CSPG4: variants seen among roughly 807,000 people sequenced by gnomAD.
CSPG4 encodes chondroitin sulfate proteoglycan 4.
A neutral mutation model predicts 139.3 loss-of-function variants in CSPG4; 74 were observed. The ratio of observed to expected loss-of-function variants is 0.53; its 90% CI spans 0.44 to 0.64. The LOEUF is 0.64. Ranked by LOEUF, CSPG4 falls within the 30% of genes least tolerant of loss-of-function variation. The pLI is 0.00. For missense variants in CSPG4, 2,565 were observed against 3,148.3 expected (o/e 0.81, Z 4.43); for synonymous variants, 1,234 against 1,394.2 (o/e 0.89, Z 2.56).
chr15:75,691,932 G>A (rs1308576922), intron 2 of CSPG4, among the ~76,000 whole-genome samples: 1 of 152,186 alleles, frequency 6.6e-6, no homozygotes, highest in Non-Finnish European at 1.5e-5. Flanking sequence ...GCAGCAGACT[G>A]ACCAAGCCCT....
intron 9 of CSPG4, 134 bp from the exon 10 acceptor site, chr15:75,677,518 G>T: frequency 8.2e-7 from 1 of 1,219,872 alleles, no homozygotes; most frequent in Non-Finnish European, 1.1e-6. Flanking sequence ...TGGGGCTCAG[G>T]GTTCCCAGGA....
chr15:75,677,313 T>TG lies in CSPG4; in HGVS notation c.5205dup (p.Ser1736GlnfsTer11), dbSNP rs1893908566. On this transcript the variant is annotated frameshift_variant, in exon 10 of 10. Coordinates refer to ENST00000308508, the MANE Select transcript of CSPG4 (RefSeq NM_001897.5). LOFTEE classifies it low-confidence loss of function (END_TRUNC). ...TCTGAGCGCTGGGGTGATGGAACGCTGGCCAAGAGATTGGAGGCATCCAGA... is the reference window on the plus strand; with the variant it reads ...TCTGAGCGCTGGGGTGATGGAACGCTGGGCCAAGAGATTGGAGGCATCCAGA... 1 of 1,427,584 alleles carries TG rather than the reference T, an allele frequency of 7.0e-7. No individual in the cohort carries two copies. The highest frequency in any genetic ancestry group is 9.2e-7 in the Non-Finnish European group (1 of 1,086,226). The allele number at this position is 1,427,584 out of a possible 1,614,324, so 88.4% of individuals were successfully genotyped here. A position where few individuals can be genotyped will look rare whatever the true frequency, so the allele number is the denominator to read the frequency against.
intron 3 of CSPG4, among the ~76,000 whole-genome samples, chr15:75,686,395 C>T (rs1894057909): frequency 2.6e-5 from 4 of 152,222 alleles, no homozygotes; most frequent in African/African-American, 7.2e-5. Flanking sequence ...CCCCGCCCCA[C>T]CCCTCCTGGA....
Position 75,682,874 on chromosome 15 carries a change from C to T in CSPG4, c.4617G>A (p.Leu1539=). The T allele has an allele frequency of 6.2e-7, 1 of 1,610,356 alleles. No individual in the cohort carries two copies. Among genetic ancestry groups the T allele is most frequent in the African/African-American group, 1.3e-5 (1 of 74,982 alleles). The change falls in exon 6 of 10, where the codon CTG becomes CTA. Residue 1539 remains leucine, a synonymous_variant. Coordinates refer to ENST00000308508, the MANE Select transcript of CSPG4 (RefSeq NM_001897.5). ...TEVRSFTQAQ[L]DGGLVLFSHR... Reference sequence around the variant, plus strand: ...GTGAGAACAGCACGAGCCCGCCGTCCAGCTGGGCCTGCGTGAAGCTGCGCA... The same window carrying T: ...GTGAGAACAGCACGAGCCCGCCGTCTAGCTGGGCCTGCGTGAAGCTGCGCA...
chr15:75,710,379 C>T (rs1371569429), intron 1 of CSPG4, among the ~76,000 whole-genome samples: 1 of 152,218 alleles, frequency 6.6e-6, no homozygotes, highest in Non-Finnish European at 1.5e-5. Flanking sequence ...GCCTCCCATA[C>T]AGCTCAGAAG....
chr15:75,688,693 G>A lies in CSPG4; in HGVS notation c.2372C>T (p.Pro791Leu), dbSNP rs1401007121. The change falls in exon 3 of 10, where the codon CCA (proline) becomes CTA (leucine). Residue 791 changes from proline (P) to leucine (L), a missense_variant. By Grantham distance (98) the Pro-to-Leu change is moderately conservative. This residue lies in a region of CSPG4 where 2,316 missense variants were observed against 2,818.2 expected (regional missense o/e 0.82). Transcript: ENST00000308508. ...RATVWMLRLE[P>L]LHTQNTQQET... The stretch of plus-strand genomic sequence containing the variant: ...CTGCTGGGTGTTCTGAGTGTGCAGT[G>A]GCTCCAGCCGCAGCATCCACACAGT... 4 of 1,610,884 alleles carry A rather than the reference G, an allele frequency of 2.5e-6. No homozygotes were observed. In the African/African-American group the frequency reaches 4.0e-5, roughly 16 times the overall value.
At chr15:75,677,528 A>G in intron 9 of CSPG4, 144 bp from the exon 10 acceptor site, 1 of 1,205,352 alleles carries the variant, frequency 8.3e-7, no homozygotes, top group Middle Eastern at 2.8e-4. Flanking sequence ...GGTTCCCAGG[A>G]GGATAAGGAC....
Position 75,687,940 on chromosome 15 carries a change from A to C in CSPG4, c.3125T>G (p.Val1042Gly). The change falls in exon 3 of 10, where the codon GTG becomes GGG. Residue 1042 changes from valine (V) to glycine (G), a missense_variant. By Grantham distance (109) the Val-to-Gly change is moderately radical (BLOSUM62 -3). Coordinates refer to ENST00000308508, the MANE Select transcript of CSPG4 (RefSeq NM_001897.5). The surrounding 1 kb of genome is among the most constrained non-coding windows in gnomAD (Gnocchi z 5.4). ...GCCCGAGTCAGCATCGCTGAAGGCC[A>C]CGTCGTCTGTAGTCAGCAGCCGCCG... ...GGRRLLTTDD[V>G]AFSDADSGFA... is the part of the protein sequence containing the mutation. 1 of 1,612,924 alleles carries C rather than the reference A, an allele frequency of 6.2e-7. No individual in the cohort carries two copies. The highest frequency in any genetic ancestry group is 8.5e-7 in the Non-Finnish European group (1 of 1,180,030).
chr15:75,712,604 T>C, intron 1 of CSPG4, 64 bp downstream of exon 1: 1 of 1,468,964 alleles, frequency 6.8e-7, no homozygotes, highest in South Asian at 1.2e-5. Context: ...CTGTCCCTTT[T>C]CCCTCCCGGA....
chr15:75,694,782 C>CG lies in CSPG4; in HGVS notation c.89-1550dup, dbSNP rs1393946690. Among the ~76,000 whole-genome samples the CG allele has an allele frequency of 3.3e-5, 5 of 152,366 alleles. No individual in the cohort carries two copies. In the East Asian group the frequency reaches 7.7e-4, roughly 24 times the overall value. On this transcript the variant is annotated intron_variant, in intron 1 of 9. Coordinates refer to ENST00000308508, the MANE Select transcript of CSPG4 (RefSeq NM_001897.5). ...AAGGGAGCCCTGCAGACCATCTGCG[C>CG]GGGGGCGGCCCAGCTGGTTCAGCAG...
intron 8 of CSPG4, 150 bp downstream of exon 8, chr15:75,682,143 C>T: frequency 9.7e-7 from 1 of 1,027,940 alleles, no homozygotes; most frequent in Non-Finnish European, 1.4e-6. Context: ...TCCTGGAGGA[C>T]AGGACACTAG....
intron 4 of CSPG4, 140 bp from the exon 5 acceptor site, chr15:75,685,052 G>T: frequency 1.6e-6 from 2 of 1,257,356 alleles, no homozygotes; most frequent in Non-Finnish European, 2.2e-6. Context: ...TGGCTCCGAG[G>T]AGTTGTGAGG....
Position 75,688,703 on chromosome 15 carries a change from G to A in CSPG4, c.2362C>T (p.Arg788Trp), listed in dbSNP as rs753532417. ...TIQRATVWMLRLEPLHTQNTQ... is the reference protein window; with the variant it reads ...TIQRATVWMLWLEPLHTQNTQ... ...TTCTGAGTGTGCAGTGGCTCCAGCC[G>A]CAGCATCCACACAGTGGCTCTCTGG... is the stretch of plus-strand genomic sequence containing the variant. The change falls in exon 3 of 10, where the codon CGG becomes TGG. Residue 788 changes from arginine to tryptophan, a missense_variant. Arg to Trp is a moderately radical substitution (Grantham distance 101). This residue lies in a region of CSPG4 where 2,316 missense variants were observed against 2,818.2 expected (regional missense o/e 0.82). Coordinates refer to ENST00000308508, the MANE Select transcript of CSPG4 (RefSeq NM_001897.5). The A allele has an allele frequency of 6.2e-6, 10 of 1,610,298 alleles. No homozygotes were observed. The African/African-American group carries it at 1.1e-4, about 17-fold the overall frequency.
rs1894121681 is a variant in CSPG4, at chr15:75,689,307, G to A, written c.1758C>T (p.Ala586=). ...EVFQAYDPDS[A]CEGLTFQVLG... ...GGACCTGGAAGGTGAGGCCCTCACA[G>A]GCAGAGTCCGGGTCATAGGCCTGGA... The change falls in exon 3 of 10, where the codon GCC becomes GCT. Residue 586 remains alanine, a synonymous_variant. Transcript: ENST00000308508. 6.2e-7 allele frequency: 1 copy of A among 1,611,038 alleles called. No homozygotes were observed. The highest frequency in any genetic ancestry group is 8.5e-7 in the Non-Finnish European group (1 of 1,179,854).
intron 1 of CSPG4, among the ~76,000 whole-genome samples, chr15:75,709,709 C>T (rs1894420815): frequency 6.6e-6 from 1 of 152,136 alleles, no homozygotes; most frequent in Admixed American, 6.5e-5. Context: ...TTCCCAGACA[C>T]AGCCTATACA....
chr15:75,702,467 G>A (rs1894318001), intron 1 of CSPG4, among the ~76,000 whole-genome samples: 1 of 152,252 alleles, frequency 6.6e-6, no homozygotes, highest in South Asian at 2.1e-4. Flanking sequence ...TTTACACTGT[G>A]AGCCTTGGGG....
chr15:75,688,967 G>A lies in CSPG4; in HGVS notation c.2098C>T (p.Leu700=), dbSNP rs1419753296. ...TGCAGGGCCCCAGTGACGCGGAACAGCACGCTCACATCCTGCCCCACGGCA... is the reference window on the plus strand; with the variant it reads ...TGCAGGGCCCCAGTGACGCGGAACAACACGCTCACATCCTGCCCCACGGCA... ...TNAVGQDVSV[L]FRVTGALQFG... Residue 700 remains leucine (L), a synonymous_variant, in exon 3 of 10, where the codon CTG becomes TTG. Transcript: ENST00000308508. 1.2e-6 allele frequency: 2 copies of A among 1,612,486 alleles called. No individual in the cohort carries two copies. Among genetic ancestry groups the A allele is most frequent in the Non-Finnish European group, 1.7e-6 (2 of 1,180,016 alleles).
chr15:75,676,251 G>A lies in CSPG4; in HGVS notation c.6268C>T (p.Arg2090Trp), dbSNP rs758759141. 56 of 1,562,804 alleles carry A rather than the reference G, an allele frequency of 3.6e-5. No individual in the cohort carries two copies. The highest frequency in any genetic ancestry group is 3.3e-4 in the Middle Eastern group (2 of 6,040). The change falls in exon 10 of 10, where the codon CGG becomes TGG. Residue 2090 changes from arginine to tryptophan, a missense_variant. Transcript: ENST00000308508. Reference sequence around the variant, plus strand: ...GGCACGCGGACCACGCGGCCATGCCGGGGTCCCTCCAGGAGGCGGAAGCGC... The same window carrying A: ...GGCACGCGGACCACGCGGCCATGCCAGGGTCCCTCCAGGAGGCGGAAGCGC... ...VPRFRLLEGP[R>W]HGRVVRVPRA...
In CSPG4 at chr15:75,689,777, G is replaced by A. The variant is rs770735779; in HGVS notation, c.1288C>T (p.Gln430Ter). Residue 430 changes from glutamine to a stop codon, truncating the protein, a stop_gained, in exon 3 of 10, where the codon CAG becomes TAG. Coordinates refer to ENST00000308508, the MANE Select transcript of CSPG4 (RefSeq NM_001897.5). LOFTEE classifies it high-confidence loss of function. Reference sequence around the variant, plus strand: ...ACCAGTGGGCTGATAGTCAGCAGCTGGGTGAAATTGGCAAAGACAGGAGGC... The same window carrying A: ...ACCAGTGGGCTGATAGTCAGCAGCTAGGTGAAATTGGCAAAGACAGGAGGC... ...GLPPVFANFT[Q>*]LLTISPLVVA... is the part of the protein sequence containing the mutation. The A allele has an allele frequency of 2.5e-6, 4 of 1,612,600 alleles. No individual in the cohort carries two copies. The South Asian group carries it at 3.3e-5, about 13-fold the overall frequency.
Sources: gnomAD v4.1 joint callset for allele counts (sites outside exome capture counted in the v4.1 genomes callset) on GRCh38, gnomAD v4.1.1 for gene constraint, gnomAD v4.1.1 regional missense constraint, Gnocchi (gnomAD v3.1) non-coding constraint, MANE v1.5 for transcripts, NCBI Gene and HGNC (gene_info 2026-07-23, HGNC 2026-07-21) for gene names.